DLG2: variants seen among roughly 807,000 people sequenced by gnomAD.
The protein encoded by DLG2 is discs large MAGUK scaffold protein 2.
In DLG2, 45 loss-of-function variants were observed where a neutral mutation model predicts 132.5. That is an observed-to-expected ratio of 0.34 (90% CI 0.27 to 0.44). The LOEUF (loss-of-function observed/expected upper bound fraction) is 0.44, where lower values mean the gene tolerates loss of function less well. DLG2 is among the 20% of genes least tolerant of loss of function. DLG2 has a pLI of 1.00. For missense variants in DLG2, 1,045 were observed against 1,196.9 expected, an observed-to-expected ratio of 0.87 and a Z score of 1.87; for synonymous variants, 424 against 419.6, an observed-to-expected ratio of 1.01 and a Z score of -0.13.
chr11:85,578,927 C>G (rs1420456745), intron 3 of DLG2, among the ~76,000 whole-genome samples: 1 of 152,112 alleles, frequency 6.6e-6, no homozygotes, highest in Non-Finnish European at 1.5e-5. Flanking sequence ...AAGACACATG[C>G]ATGTGTATGC....
At chr11:84,669,092 AG>A (rs2099702965) in intron 6 of DLG2, among the ~76,000 whole-genome samples, 1 of 152,122 alleles carries the variant, frequency 6.6e-6, no homozygotes, top group Non-Finnish European at 1.5e-5. Context: ...TGGCCAGGGA[AG>A]GGCTCATAGA....
chr11:85,387,821 A>G (rs1268803071), intron 3 of DLG2, among the ~76,000 whole-genome samples: 2 of 152,226 alleles, frequency 1.3e-5, no homozygotes, highest in Non-Finnish European at 2.9e-5. Context: ...AATGGCAGAC[A>G]GGAAGGAGGC....
At position 84,394,967 on chromosome 11, in the gene DLG2, T is replaced by G. The variant is rs189298821; in HGVS notation, c.519+139603A>C. Among the ~76,000 whole-genome samples, 383 of 152,268 alleles carry G rather than the reference T, an allele frequency of 2.5e-3. 1 individual carries two copies. The highest frequency in any genetic ancestry group is 9.0e-3 in the African/African-American group (372 of 41,552). Reference sequence around the variant, plus strand: ...CTGCCACATGCTGTTTATCCCCTCCTTCTGTAATGCCTGTTGGATACTCAC... The same window carrying G: ...CTGCCACATGCTGTTTATCCCCTCCGTCTGTAATGCCTGTTGGATACTCAC... On this transcript the variant is annotated intron_variant, in intron 7 of 27. Coordinates refer to ENST00000376104, the MANE Select transcript of DLG2 (RefSeq NM_001142699.3).
intron 8 of DLG2, among the ~76,000 whole-genome samples, chr11:84,238,205 T>C (rs1056404281): frequency 6.6e-6 from 1 of 151,820 alleles, no homozygotes; most frequent in Admixed American, 6.6e-5. Flanking sequence ...AATATCAGTG[T>C]CAAAAAGTCA....
chr11:83,588,677 C>T (rs1195938213), intron 19 of DLG2, among the ~76,000 whole-genome samples: 3 of 150,938 alleles, frequency 2.0e-5, no homozygotes, highest in Non-Finnish European at 3.0e-5. Flanking sequence ...AGGCTTCAGA[C>T]GATCAAATTA....
At chr11:84,711,979 T>A (rs983201815) in intron 6 of DLG2, among the ~76,000 whole-genome samples, 1 of 152,052 alleles carries the variant, frequency 6.6e-6, no homozygotes, top group African/African-American at 2.4e-5. Flanking sequence ...TCCCTACAGT[T>A]TACACGGGCA....
chr11:84,780,422 A>G (rs1178080630), intron 6 of DLG2, among the ~76,000 whole-genome samples: 2 of 152,150 alleles, frequency 1.3e-5, no homozygotes, highest in Non-Finnish European at 2.9e-5. Context: ...AGGAAACATC[A>G]CACTGAATAG....
At chr11:83,491,021 A>T (rs1237735906) in intron 21 of DLG2, among the ~76,000 whole-genome samples, 1 of 151,954 alleles carries the variant, frequency 6.6e-6, no homozygotes, top group African/African-American at 2.4e-5. Flanking sequence ...ATGTTTAAAA[A>T]TTTTCATAAT....
At chr11:83,910,735 A>T (rs537246405) in intron 15 of DLG2, among the ~76,000 whole-genome samples, 32 of 152,288 alleles carry the variant, frequency 2.1e-4, no homozygotes, top group African/African-American at 7.5e-4. Context: ...ATTTTAACTT[A>T]GAGAAAAATG....
chr11:83,825,098 C>CAT (rs1221737967), intron 17 of DLG2, among the ~76,000 whole-genome samples: 1 of 141,732 alleles, frequency 7.1e-6, no homozygotes, highest in Non-Finnish European at 1.5e-5. Flanking sequence ...TATATATACA[C>CAT]ATATATATAG....
chr11:85,588,372 G>C (rs1020781671), intron 3 of DLG2, among the ~76,000 whole-genome samples: 1 of 151,954 alleles, frequency 6.6e-6, no homozygotes, highest in Non-Finnish European at 1.5e-5. Flanking sequence ...TGGAGGCTTT[G>C]TTCATTTTTT....
chr11:84,102,801 A>G (rs1372458847), intron 9 of DLG2, among the ~76,000 whole-genome samples: 1 of 152,122 alleles, frequency 6.6e-6, no homozygotes, highest in Non-Finnish European at 1.5e-5. Context: ...AATTCTTGGA[A>G]CTTAGTCTGT....
chr11:84,269,203 C>A (rs1328584588), intron 7 of DLG2, among the ~76,000 whole-genome samples: 1 of 152,188 alleles, frequency 6.6e-6, no homozygotes, highest in Non-Finnish European at 1.5e-5. Flanking sequence ...TCTGTCCCCA[C>A]CACTAGAAGG....
chr11:84,758,605 G>A (rs1274659431), intron 6 of DLG2, among the ~76,000 whole-genome samples: 1 of 152,006 alleles, frequency 6.6e-6, no homozygotes, highest in African/African-American at 2.4e-5. Flanking sequence ...GGCCACCTCA[G>A]GGATTCAAAT....
intron 6 of DLG2, among the ~76,000 whole-genome samples, chr11:85,087,674 TA>T (rs1464001525): frequency 3.1e-4 from 46 of 149,472 alleles, no homozygotes; most frequent in African/African-American, 1.1e-3. Flanking sequence ...CCGTCTCTAC[TA>T]AAAATACAAA....
At chr11:85,054,179 C>A (rs950207272) in intron 6 of DLG2, among the ~76,000 whole-genome samples, 8 of 151,248 alleles carry the variant, frequency 5.3e-5, no homozygotes, top group Admixed American at 5.3e-4. Flanking sequence ...GCACGAGAAT[C>A]GCTTAAACCC....
chr11:83,772,437 A>C (rs1361047078), intron 18 of DLG2, among the ~76,000 whole-genome samples: 1 of 148,478 alleles, frequency 6.7e-6, no homozygotes, highest in Non-Finnish European at 1.5e-5. Flanking sequence ...AAGAAAAGAA[A>C]AAAAAAGAGA....
At chr11:85,068,610 C>T (rs971469494) in intron 6 of DLG2, among the ~76,000 whole-genome samples, 5 of 152,006 alleles carry the variant, frequency 3.3e-5, no homozygotes, top group African/African-American at 1.2e-4. Context: ...TGAAGGACCT[C>T]TTCAAGGAGA....
chr11:83,518,476 G>A (rs1324002299), intron 21 of DLG2, among the ~76,000 whole-genome samples: 1 of 152,086 alleles, frequency 6.6e-6, no homozygotes, highest in Non-Finnish European at 1.5e-5. Flanking sequence ...TCCCGGGTGA[G>A]GCAATGCCTC....
Sources: allele counts gnomAD v4.1 joint callset (sites outside exome capture counted in the v4.1 genomes callset), GRCh38; gene constraint gnomAD v4.1.1; transcripts MANE v1.5; gene names NCBI Gene and HGNC (gene_info 2026-07-23, HGNC 2026-07-21).